Variants in ACER3 observed in about 807,000 individuals in gnomAD.
ACER3 encodes the protein alkCDase 3.
ACER3 carries 16 observed loss-of-function variants against 48.9 expected under a neutral mutation model. The ratio of observed to expected loss-of-function variants is 0.33; its 90% CI spans 0.22 to 0.50. The LOEUF is 0.50. Ranked by LOEUF, ACER3 falls within the 20% of genes least tolerant of loss-of-function variation. The pLI is 0.98. For synonymous variants in ACER3, 109 were observed against 107.8 expected (o/e 1.01, Z -0.07); for missense variants, 227 against 326.0 (o/e 0.70, Z 2.34).
intron 2 of ACER3, among the ~76,000 whole-genome samples, chr11:76,933,897 G>A (rs1456557381): frequency 1.7e-4 from 26 of 151,216 alleles, no homozygotes; most frequent in African/African-American, 5.8e-4. Context: ...CAGATGGGGC[G>A]GCTGCCGGGC....
At chr11:76,881,773 C>T (rs1370640063) in intron 1 of ACER3, among the ~76,000 whole-genome samples, 8 of 152,094 alleles carry the variant, frequency 5.3e-5, no homozygotes, top group South Asian at 2.1e-4. Context: ...TGCTCTTCAC[C>T]GTTGTCTGAG....
rs539043314 is a variant in ACER3, at chr11:76,985,478, C to G, written c.321-165C>G. 2.0e-5 allele frequency among the ~76,000 whole-genome samples: 3 copies of G among 152,276 alleles called. No homozygotes were observed. In the South Asian group the frequency reaches 6.2e-4, roughly 32 times the overall value. On this transcript the variant is annotated intron_variant, in intron 4 of 10. Transcript: ENST00000532485. ...AGTCACGTGTCTACTCCTAGTCCTT[C>G]CAGCCTCTTAGAGGATAATAGGCAG...
intron 1 of ACER3, among the ~76,000 whole-genome samples, chr11:76,871,749 G>T (rs1479570333): frequency 6.6e-6 from 1 of 152,154 alleles, no homozygotes; most frequent in African/African-American, 2.4e-5. Context: ...GGAAAGGGAA[G>T]GGAATTCTCT....
chr11:76,891,635 A>T (rs1254778897), intron 1 of ACER3, among the ~76,000 whole-genome samples: 1 of 152,154 alleles, frequency 6.6e-6, no homozygotes, highest in Non-Finnish European at 1.5e-5. Context: ...TTACTGATGA[A>T]AAGAGGAGGC....
chr11:76,935,673 T>C (rs904886054), intron 2 of ACER3, among the ~76,000 whole-genome samples: 6 of 152,244 alleles, frequency 3.9e-5, no homozygotes, highest in African/African-American at 9.6e-5. Flanking sequence ...AAAACAGTTT[T>C]AAACCTACAA....
At chr11:76,946,778 G>T (rs574781536) in intron 2 of ACER3, among the ~76,000 whole-genome samples, 1 of 152,320 alleles carries the variant, frequency 6.6e-6, no homozygotes, top group East Asian at 1.9e-4. Flanking sequence ...TTTAGCCAAC[G>T]CTGGTCTAGG....
At chr11:77,019,270 C>T (rs1310565519) in intron 9 of ACER3, among the ~76,000 whole-genome samples, 1 of 152,150 alleles carries the variant, frequency 6.6e-6, no homozygotes, top group African/African-American at 2.4e-5. Context: ...ACCAGCCTGA[C>T]CAACATGGTG....
chr11:77,019,884 C>T (rs1398978628), intron 10 of ACER3, 108 bp downstream of exon 10: 15 of 1,166,302 alleles, frequency 1.3e-5, no homozygotes, highest in Admixed American at 5.7e-5. Context: ...GGAGCAAACA[C>T]AGGCTTTGGA....
chr11:76,935,256 A>G (rs564915001), intron 2 of ACER3, among the ~76,000 whole-genome samples: 1 of 152,214 alleles, frequency 6.6e-6, no homozygotes, highest in South Asian at 2.1e-4. Context: ...ACAAGCAGAA[A>G]AGATCCAACG....
intron 6 of ACER3, among the ~76,000 whole-genome samples, chr11:76,992,695 C>G (rs890752056): frequency 1.3e-5 from 2 of 152,198 alleles, no homozygotes; most frequent in Admixed American, 6.5e-5. Context: ...TCTGCCTTCT[C>G]TGTACCAAAT....
In ACER3 at chr11:77,024,545, A is replaced by G. The variant is rs1949524381; in HGVS notation, c.*4218A>G. ...TATGAAACCTTGACATTGCTGAAAG[A>G]AAAGTGGAAACTGTAAGGGACAACA... On this transcript the variant is annotated 3_prime_UTR_variant, in exon 11 of 11. Coordinates refer to ENST00000532485, the MANE Select transcript of ACER3 (RefSeq NM_018367.7). The G allele has an allele frequency of 6.6e-6, 1 of 152,208 alleles. No homozygotes were observed. The allele number at this position is 152,208 out of a possible 1,614,324, so 9.4% of individuals were successfully genotyped here.
In ACER3 at chr11:76,887,789, G is replaced by A. The variant is rs145354001; in HGVS notation, c.103+26710G>A. ...TAATTGAAGCTGTTTTGGAGTCTGTGGATGTTAATTACTATAGGTAACTTT... is the reference window on the plus strand; with the variant it reads ...TAATTGAAGCTGTTTTGGAGTCTGTAGATGTTAATTACTATAGGTAACTTT... On this transcript the variant is annotated intron_variant, in intron 1 of 10. Coordinates refer to ENST00000532485, the MANE Select transcript of ACER3 (RefSeq NM_018367.7). Among the ~76,000 whole-genome samples, 111 of 150,430 alleles carry A rather than the reference G, an allele frequency of 7.4e-4. 1 individual carries two copies. The East Asian group carries it at 0.02, about 28-fold the overall frequency.
At chr11:76,875,408 G>A (rs1250584689) in intron 1 of ACER3, among the ~76,000 whole-genome samples, 1 of 151,836 alleles carries the variant, frequency 6.6e-6, no homozygotes, top group East Asian at 1.9e-4. Context: ...GAGCCACCGC[G>A]CCCGGCCAAC....
At chr11:76,876,595 G>C (rs990577913) in intron 1 of ACER3, among the ~76,000 whole-genome samples, 4 of 152,176 alleles carry the variant, frequency 2.6e-5, no homozygotes. Flanking sequence ...TTGGGTCATA[G>C]AGTATGTGTA....
chr11:76,874,086 G>A (rs1945308096), intron 1 of ACER3, among the ~76,000 whole-genome samples: 2 of 152,160 alleles, frequency 1.3e-5, no homozygotes, highest in African/African-American at 4.8e-5. Flanking sequence ...AAAAGGGACA[G>A]TAAAAGCATT....
chr11:76,966,843 C>A (rs927788849), intron 3 of ACER3, among the ~76,000 whole-genome samples: 72 of 151,038 alleles, frequency 4.8e-4, no homozygotes, highest in Admixed American at 2.5e-3. Flanking sequence ...TAAATGCCCA[C>A]AAGAGAAAGC....
intron 7 of ACER3, among the ~76,000 whole-genome samples, chr11:77,000,951 G>A (rs945585997): frequency 6.6e-6 from 1 of 151,988 alleles, no homozygotes; most frequent in African/African-American, 2.4e-5. Context: ...AAATCTTGTT[G>A]AGATTTTAGG....
At chr11:76,958,893 G>A in intron 2 of ACER3, 86 bp from the exon 3 acceptor site, 1 of 1,432,770 alleles carries the variant, frequency 7.0e-7, no homozygotes, top group Non-Finnish European at 9.8e-7. Flanking sequence ...TTAACTCAAT[G>A]CTTTGAAATG....
intron 1 of ACER3, among the ~76,000 whole-genome samples, chr11:76,882,887 G>A (rs774615915): frequency 3.9e-5 from 6 of 152,118 alleles, no homozygotes; most frequent in Non-Finnish European, 7.3e-5. Context: ...TTATATGCAC[G>A]TGTGGTTCAT....
Sources: allele counts gnomAD v4.1 joint callset (sites outside exome capture counted in the v4.1 genomes callset), GRCh38; gene constraint gnomAD v4.1.1; transcripts MANE v1.5; gene names NCBI Gene and HGNC (gene_info 2026-07-23, HGNC 2026-07-21).